NXN: variants seen among roughly 807,000 people sequenced by gnomAD.
NXN encodes the protein nucleoredoxin 1.
In NXN, 16 loss-of-function variants were observed where a neutral mutation model predicts 48.6. That is an observed-to-expected ratio of 0.33 (90% CI 0.22 to 0.50). NXN has a LOEUF of 0.50. NXN is among the 20% of genes least tolerant of loss of function. NXN has a pLI of 0.98. For synonymous variants in NXN, 281 were observed against 269.6 expected, an observed-to-expected ratio of 1.04 and a Z score of -0.41; for missense variants, 492 against 605.5, an observed-to-expected ratio of 0.81 and a Z score of 1.97.
At chr17:856,447 T>C (rs926630493) in intron 1 of NXN, among the ~76,000 whole-genome samples, 1 of 151,232 alleles carries the variant, frequency 6.6e-6, no homozygotes, top group Non-Finnish European at 1.5e-5. Context: ...CGGGAGTCTG[T>C]GGATAAAGTA....
chr17:845,895 T>A (rs2067854669), intron 1 of NXN, among the ~76,000 whole-genome samples: 1 of 152,080 alleles, frequency 6.6e-6, no homozygotes, highest in South Asian at 2.1e-4. Context: ...AAACCCCGTC[T>A]CTACTAAAAA....
chr17:974,267 C>A (rs546228533), intron 1 of NXN, among the ~76,000 whole-genome samples: 1 of 151,748 alleles, frequency 6.6e-6, no homozygotes, highest in Non-Finnish European at 1.5e-5. Flanking sequence ...AGGAGCATGG[C>A]GTGAACCCGG....
At chr17:852,515 T>G (rs908052705) in intron 1 of NXN, among the ~76,000 whole-genome samples, 1 of 152,120 alleles carries the variant, frequency 6.6e-6, no homozygotes, top group East Asian at 1.9e-4. Flanking sequence ...TCCAGAAAAT[T>G]TCAGGGGAGG....
intron 1 of NXN, chr17:864,094 C>A: frequency 1.5e-6 from 2 of 1,297,094 alleles, no homozygotes; most frequent in Non-Finnish European, 1.9e-6. Context: ...TGCTCGGTTC[C>A]GGTGAAGGGG....
intron 1 of NXN, among the ~76,000 whole-genome samples, chr17:855,868 C>T (rs534875237): frequency 1.3e-5 from 2 of 152,220 alleles, no homozygotes; most frequent in Admixed American, 1.3e-4. Flanking sequence ...CAGGCAACTC[C>T]ACAGCCGGCC....
At chr17:844,927 A>G (rs1002517104) in intron 1 of NXN, among the ~76,000 whole-genome samples, 3 of 151,964 alleles carry the variant, frequency 2.0e-5, no homozygotes, top group Non-Finnish European at 2.9e-5. Context: ...GATGCCTGAA[A>G]ACAGACCTAC....
intron 1 of NXN, among the ~76,000 whole-genome samples, chr17:827,609 T>C (rs113671284): frequency 0.043 from 6,558 of 152,112 alleles, 171 homozygotes; most frequent in African/African-American, 0.068. Flanking sequence ...GGTGACAGAG[T>C]GAGACTCCGT....
chr17:873,756 A>C (rs2068185118), intron 1 of NXN, among the ~76,000 whole-genome samples: 1 of 152,140 alleles, frequency 6.6e-6, no homozygotes, highest in Admixed American at 6.5e-5. Context: ...ATATCCTCCT[A>C]CAGTTTATTA....
At chr17:933,849 C>T (rs1319419803) in intron 1 of NXN, among the ~76,000 whole-genome samples, 2 of 152,090 alleles carry the variant, frequency 1.3e-5, no homozygotes, top group East Asian at 3.9e-4. Flanking sequence ...TCCACAAATA[C>T]CAGAACACTT....
chr17:941,452 A>G (rs1341665683), intron 1 of NXN, among the ~76,000 whole-genome samples: 1 of 97,982 alleles, frequency 1.0e-5, no homozygotes, highest in Non-Finnish European at 2.1e-5. Context: ...ATGAACTCAC[A>G]TCACACCTTC....
intron 1 of NXN, among the ~76,000 whole-genome samples, chr17:827,618 G>A (rs932059982): frequency 3.9e-5 from 6 of 152,160 alleles, no homozygotes; most frequent in East Asian, 1.9e-4. Context: ...GTGAGACTCC[G>A]TCTCAAAAAA....
At position 849,103 on chromosome 17, in the gene NXN, G is replaced by C. The variant is rs1004432673; in HGVS notation, c.361-23025C>G. On this transcript the variant is annotated intron_variant, in intron 1 of 7. Coordinates refer to ENST00000336868, the MANE Select transcript of NXN (RefSeq NM_022463.5). The surrounding 1 kb of genome is among the most constrained non-coding windows in gnomAD (Gnocchi z 4.2). ...GGCTTCCTCTCTAGACCCTCCCCTG[G>C]GACGGCAGTCCCCACCCCACCCACA... Among the ~76,000 whole-genome samples the C allele has an allele frequency of 3.9e-5, 6 of 152,270 alleles. No homozygotes were observed. The East Asian group carries it at 7.7e-4, about 20-fold the overall frequency.
At chr17:911,589 A>G (rs1227667860) in intron 1 of NXN, among the ~76,000 whole-genome samples, 2 of 151,584 alleles carry the variant, frequency 1.3e-5, no homozygotes, top group East Asian at 1.9e-4. Flanking sequence ...TCAGCCTCCC[A>G]AAGTATTGGG....
At chr17:933,979 T>C (rs967212872) in intron 1 of NXN, among the ~76,000 whole-genome samples, 1 of 152,208 alleles carries the variant, frequency 6.6e-6, no homozygotes, top group African/African-American at 2.4e-5. Flanking sequence ...ATGGGTGGCA[T>C]GCCTCACTAT....
At chr17:925,867 G>A (rs1597247293) in intron 1 of NXN, among the ~76,000 whole-genome samples, 1 of 152,156 alleles carries the variant, frequency 6.6e-6, no homozygotes, top group East Asian at 1.9e-4. Flanking sequence ...TCCCAGCACA[G>A]CAAAAAGTCA....
At chr17:896,164 C>A (rs1385782516) in intron 1 of NXN, among the ~76,000 whole-genome samples, 1 of 151,986 alleles carries the variant, frequency 6.6e-6, no homozygotes, top group Non-Finnish European at 1.5e-5. Context: ...CATGGAGAAA[C>A]CCTGTCCCTA....
chr17:810,607 G>A (rs1043409952), intron 5 of NXN, among the ~76,000 whole-genome samples: 1 of 152,032 alleles, frequency 6.6e-6, no homozygotes, highest in Non-Finnish European at 1.5e-5. Flanking sequence ...TTAAGGAAAG[G>A]AGCCGGGCAC....
chr17:887,581 A>T (rs1242868432), intron 1 of NXN, among the ~76,000 whole-genome samples: 1 of 152,072 alleles, frequency 6.6e-6, no homozygotes, highest in Non-Finnish European at 1.5e-5. Flanking sequence ...AATCCATTTT[A>T]TTTGTCAGAA....
intron 3 of NXN, among the ~76,000 whole-genome samples, chr17:823,427 T>C (rs1041811855): frequency 1.3e-5 from 2 of 151,836 alleles, no homozygotes; most frequent in Admixed American, 6.6e-5. Context: ...GCTATCGTTA[T>C]AGATCAGTCA....
Sources: allele counts gnomAD v4.1 joint callset (sites outside exome capture counted in the v4.1 genomes callset), GRCh38; gene constraint gnomAD v4.1.1; non-coding constraint Gnocchi (gnomAD v3.1); transcripts MANE v1.5; gene names NCBI Gene and HGNC (gene_info 2026-07-23, HGNC 2026-07-21).